Variants in KIF6 observed in about 807,000 individuals in gnomAD.
The protein encoded by KIF6 is kinesin-like protein KIF6.
Under a neutral mutation model 112.7 loss-of-function variants are expected in KIF6, and 106 were observed. That is an observed-to-expected ratio of 0.94 (90% CI 0.80 to 1.11). The LOEUF is 1.11. KIF6 is among the 50% of genes least tolerant of loss of function. The pLI is 0.00. For synonymous variants in KIF6, 339 were observed against 339.9 expected, an observed-to-expected ratio of 1.00 and a Z score of 0.03; for missense variants, 929 against 964.0, an observed-to-expected ratio of 0.96 and a Z score of 0.48.
rs1283182805 is a variant in KIF6, at chr6:39,679,651, T to C, written c.251+35041A>G. Reference sequence around the variant, plus strand: ...TTTTTTTTGAGGCGGAGTCTCACTCTGCTGCCCAGGCTGGAGTGCAGTGGT... The same window carrying C: ...TTTTTTTTGAGGCGGAGTCTCACTCCGCTGCCCAGGCTGGAGTGCAGTGGT... On this transcript the variant is annotated intron_variant, in intron 3 of 22. Coordinates refer to ENST00000287152, the MANE Select transcript of KIF6 (RefSeq NM_145027.6). Among the ~76,000 whole-genome samples the C allele has an allele frequency of 2.7e-5, 4 of 146,762 alleles. 1 individual carries two copies. The East Asian group carries it at 8.1e-4, about 30-fold the overall frequency.
Position 39,660,025 on chromosome 6 carries a change from A to G in KIF6, c.252-20268T>C, listed in dbSNP as rs557154973. On this transcript the variant is annotated intron_variant, in intron 3 of 22. Coordinates refer to ENST00000287152, the MANE Select transcript of KIF6 (RefSeq NM_145027.6). ...ATAATATGTTTCATTAAAATCTCCA[A>G]TCTGGCCTGGCATGGTGTCTCATGC... Among the ~76,000 whole-genome samples the G allele has an allele frequency of 7.3e-4, 111 of 152,256 alleles. 1 individual carries two copies. In the Middle Eastern group the frequency reaches 0.02, roughly 28 times the overall value.
At chr6:39,613,771 A>G (rs1044081745) in intron 5 of KIF6, among the ~76,000 whole-genome samples, 1 of 152,206 alleles carries the variant, frequency 6.6e-6, no homozygotes, top group African/African-American at 2.4e-5. Flanking sequence ...TCACTTACCA[A>G]CTTAAACGTG....
intron 10 of KIF6, among the ~76,000 whole-genome samples, chr6:39,574,903 G>A (rs185776718): frequency 2.0e-5 from 3 of 151,992 alleles, no homozygotes; most frequent in Middle Eastern, 3.4e-3. Context: ...TCTGCCCCTC[G>A]GTTTTTTCAT....
chr6:39,572,936 G>A (rs1223452062), intron 10 of KIF6, among the ~76,000 whole-genome samples: 1 of 150,288 alleles, frequency 6.7e-6, no homozygotes, highest in Non-Finnish European at 1.5e-5. Context: ...TAGAAATGCT[G>A]GGAAATGGCT....
intron 15 of KIF6, among the ~76,000 whole-genome samples, chr6:39,418,458 T>C (rs899314317): frequency 9.5e-4 from 145 of 152,330 alleles, no homozygotes; most frequent in African/African-American, 3.2e-3. Flanking sequence ...ATGTATTAAA[T>C]AAAAAGATCT....
At chr6:39,633,881 A>G (rs1784480764) in intron 5 of KIF6, among the ~76,000 whole-genome samples, 1 of 152,198 alleles carries the variant, frequency 6.6e-6, no homozygotes, top group South Asian at 2.1e-4. Context: ...GTGGTCTAAA[A>G]CTGTTCTTAT....
chr6:39,426,473 A>T (rs549781374), intron 14 of KIF6, among the ~76,000 whole-genome samples: 1 of 152,286 alleles, frequency 6.6e-6, no homozygotes, highest in African/African-American at 2.4e-5. Context: ...CATGGGGCTG[A>T]GTGCATTGGC....
At chr6:39,676,028 T>C (rs1281331604) in intron 3 of KIF6, among the ~76,000 whole-genome samples, 1 of 137,762 alleles carries the variant, frequency 7.3e-6, no homozygotes, top group Admixed American at 7.5e-5. Flanking sequence ...GTTACAGAAA[T>C]AGGCACTACA....
At chr6:39,504,158 A>G (rs1776303733) in intron 13 of KIF6, among the ~76,000 whole-genome samples, 1 of 152,230 alleles carries the variant, frequency 6.6e-6, no homozygotes, top group Admixed American at 6.5e-5. Context: ...CTTATCCACC[A>G]TGATCAAGTA....
chr6:39,592,499 G>T (rs530436515), intron 7 of KIF6, among the ~76,000 whole-genome samples: 1 of 152,182 alleles, frequency 6.6e-6, no homozygotes, highest in Non-Finnish European at 1.5e-5. Flanking sequence ...TTGAATAAAT[G>T]GCTGAAGGCA....
chr6:39,720,755 T>A lies in KIF6; in HGVS notation c.123A>T (p.Pro41=), dbSNP rs368784099. The A allele has an allele frequency of 6.2e-7, 1 of 1,610,378 alleles. No individual in the cohort carries two copies. The highest frequency in any genetic ancestry group is 8.5e-7 in the Non-Finnish European group (1 of 1,176,912). The change falls in exon 2 of 23, where the codon CCA becomes CCT. Residue 41 remains proline (P), a synonymous_variant. Coordinates refer to ENST00000287152, the MANE Select transcript of KIF6 (RefSeq NM_145027.6). ...TCACAAACCCATCTGCCAAATCACG[T>A]GGTAAGATGATTTCCAAGCTAGGTA... The part of the protein sequence containing the change: ...KLIPSLEIIL[P]RDLADGFVNN...
intron 13 of KIF6, among the ~76,000 whole-genome samples, chr6:39,446,443 T>C (rs778480327): frequency 6.6e-6 from 1 of 152,250 alleles, no homozygotes; most frequent in East Asian, 1.9e-4. Context: ...ATTTCTTGAC[T>C]GAATAAATGA....
chr6:39,632,781 C>T lies in KIF6; in HGVS notation c.509+2068G>A, dbSNP rs548623943. 3.0e-3 allele frequency among the ~76,000 whole-genome samples: 462 copies of T among 151,884 alleles called. 2 individuals are homozygous for T. Among genetic ancestry groups the T allele is most frequent in the African/African-American group, 0.01 (418 of 41,402 alleles). Reference sequence around the variant, plus strand: ...CTAGGACTACAGAAGCCACCACACCCGGCTAATTTTTTGTATTTTTAATAG... The same window carrying T: ...CTAGGACTACAGAAGCCACCACACCTGGCTAATTTTTTGTATTTTTAATAG... On this transcript the variant is annotated intron_variant, in intron 5 of 22. Coordinates refer to ENST00000287152, the MANE Select transcript of KIF6 (RefSeq NM_145027.6).
intron 13 of KIF6, among the ~76,000 whole-genome samples, chr6:39,473,500 G>A (rs979692237): frequency 2.0e-5 from 3 of 152,042 alleles, no homozygotes; most frequent in Non-Finnish European, 4.4e-5. Flanking sequence ...TTTAGGAAGC[G>A]GGGCCCAATG....
intron 10 of KIF6, among the ~76,000 whole-genome samples, chr6:39,555,362 G>A (rs1418096296): frequency 6.6e-6 from 1 of 152,076 alleles, no homozygotes; most frequent in East Asian, 1.9e-4. Context: ...AGGGGAACTG[G>A]ATGCTGGCCA....
Position 39,343,872 on chromosome 6 carries a change from T to A in KIF6, c.2322-57A>T. 9.6e-7 allele frequency: 1 copy of A among 1,037,526 alleles called. No homozygotes were observed. 64.3% of individuals were successfully genotyped at this position (1,037,526 alleles called of 1,614,324 possible). Reference sequence around the variant, plus strand: ...ACTTTACAACTGGACTCACCACTTATATTTCCAAAATGCTTTTCCATTTTA... The same window carrying A: ...ACTTTACAACTGGACTCACCACTTAAATTTCCAAAATGCTTTTCCATTTTA... On this transcript the variant is annotated intron_variant, in intron 21 of 22. Transcript: ENST00000287152. The surrounding 1 kb of genome is among the most constrained non-coding windows in gnomAD (Gnocchi z 4.1).
intron 13 of KIF6, among the ~76,000 whole-genome samples, chr6:39,497,725 C>T (rs546226528): frequency 1.1e-4 from 16 of 152,238 alleles, no homozygotes; most frequent in Non-Finnish European, 2.2e-4. Flanking sequence ...TATCATCCCT[C>T]CCCCCATCAC....
rs544356225 is a variant in KIF6 at position 39,674,501 on chromosome 6, C to A, written c.252-34744G>T. Among the ~76,000 whole-genome samples the A allele has an allele frequency of 8.6e-5, 13 of 151,968 alleles. No individual in the cohort carries two copies. The South Asian group carries it at 2.7e-3, about 32-fold the overall frequency. ...AGATGCATACCGTATACACAAAGGCCCAGAGTGCGCACTTAAGAAATATGG... is the reference window on the plus strand; with the variant it reads ...AGATGCATACCGTATACACAAAGGCACAGAGTGCGCACTTAAGAAATATGG... On this transcript the variant is annotated intron_variant, in intron 3 of 22. Coordinates refer to ENST00000287152, the MANE Select transcript of KIF6 (RefSeq NM_145027.6).
chr6:39,578,612 G>A (rs906863098), intron 9 of KIF6, among the ~76,000 whole-genome samples: 19 of 152,032 alleles, frequency 1.2e-4, no homozygotes, highest in Non-Finnish European at 2.2e-4. Flanking sequence ...TTACAGGCAT[G>A]AGCCACCTCG....
Sources: gnomAD v4.1 joint callset for allele counts (sites outside exome capture counted in the v4.1 genomes callset) on GRCh38, gnomAD v4.1.1 for gene constraint, Gnocchi (gnomAD v3.1) non-coding constraint, MANE v1.5 for transcripts, NCBI Gene and HGNC (gene_info 2026-07-23, HGNC 2026-07-21) for gene names.